TBX4: variants seen among roughly 807,000 people sequenced by gnomAD.
The protein encoded by TBX4 is T-box transcription factor TBX4.
Under a neutral mutation model 54.6 loss-of-function variants are expected in TBX4, and 13 were observed. That is an observed-to-expected ratio of 0.24 (90% CI 0.15 to 0.38). The LOEUF (loss-of-function observed/expected upper bound fraction) is 0.38. TBX4 is among the 10% of genes least tolerant of loss of function. TBX4 has a pLI of 1.00. For missense variants in TBX4, 631 were observed against 728.5 expected (o/e 0.87, Z 1.54); for synonymous variants, 314 against 306.7 (o/e 1.02, Z -0.25).
rs1342114162 is a variant in TBX4 at position 61,465,279 on chromosome 17, C to G, written c.282-540C>G. Among the ~76,000 whole-genome samples the G allele has an allele frequency of 6.6e-6, 1 of 152,192 alleles. No individual in the cohort carries two copies. Among genetic ancestry groups the G allele is most frequent in the Non-Finnish European group, 1.5e-5 (1 of 68,032 alleles). Reference sequence around the variant, plus strand: ...TTTTGGACAGCAGTCTCCTGTTTTCCTGCAAGCTGGTTTTAGGCCTAAGGA... The same window carrying G: ...TTTTGGACAGCAGTCTCCTGTTTTCGTGCAAGCTGGTTTTAGGCCTAAGGA... On this transcript the variant is annotated intron_variant, in intron 3 of 8. Coordinates refer to ENST00000644296, the MANE Select transcript of TBX4 (RefSeq NM_001321120.2). The surrounding 1 kb of genome is among the most constrained non-coding windows in gnomAD (Gnocchi z 4.9).
intron 5 of TBX4, among the ~76,000 whole-genome samples, chr17:61,471,909 T>TA (rs1569039999): frequency 2.0e-4 from 29 of 144,742 alleles, no homozygotes; most frequent in East Asian, 3.9e-4. Flanking sequence ...TTTTTTTTTT[T>TA]TTTTTTTTTT....
chr17:61,480,413 ACACACT>A lies in TBX4; in HGVS notation c.1021+97_1021+102del. ...TGCAGCGCCCCCCCCCCCAACACAC[ACACACT>A]CATCTCGTGCTTGTGTGGCCTGGGA... On this transcript the variant is annotated intron_variant, in intron 8 of 8. Coordinates refer to ENST00000644296, the MANE Select transcript of TBX4 (RefSeq NM_001321120.2). The surrounding 1 kb of genome is among the most constrained non-coding windows in gnomAD (Gnocchi z 6.2). 1.0e-6 allele frequency: 1 copy of A among 996,620 alleles called. No homozygotes were observed. Among genetic ancestry groups the A allele is most frequent in the Non-Finnish European group, 1.5e-6 (1 of 657,708 alleles). 61.7% of individuals were successfully genotyped at this position (996,620 alleles called of 1,614,324 possible).
At chr17:61,467,873 G>A (rs775520262) in intron 5 of TBX4, among the ~76,000 whole-genome samples, 2 of 152,194 alleles carry the variant, frequency 1.3e-5, no homozygotes, top group Non-Finnish European at 2.9e-5. Context: ...CTGGACAATC[G>A]TCTCAGCCTT....
At position 61,457,643 on chromosome 17, in the gene TBX4, G is replaced by A. The variant is rs1394968065; in HGVS notation, c.281+12G>A. The A allele has an allele frequency of 2.5e-6, 4 of 1,613,350 alleles. No homozygotes were observed. Among genetic ancestry groups the A allele is most frequent in the African/African-American group, 1.3e-5 (1 of 75,042 alleles). On this transcript the variant is annotated intron_variant, in intron 3 of 8. Transcript: ENST00000644296. This position sits in a 1 kb window ranked among gnomAD's most constrained non-coding sequence, Gnocchi z 8.2. ...ACTAAGGCTGGCAGGTCAGCGCTGG[G>A]AGATTTACTTCCGGGGATGGCGGTG...
intron 5 of TBX4, among the ~76,000 whole-genome samples, chr17:61,470,663 A>G (rs2060570500): frequency 1.3e-5 from 2 of 152,226 alleles, no homozygotes; most frequent in South Asian, 4.1e-4. Context: ...AGGTTGGGCC[A>G]GGCGGGAGCA....
chr17:61,470,023 C>G (rs938134251), intron 5 of TBX4, among the ~76,000 whole-genome samples: 8 of 152,184 alleles, frequency 5.3e-5, no homozygotes, highest in African/African-American at 1.9e-4. Flanking sequence ...TCACGGTATC[C>G]CAGGAGCTTG....
rs756535438 is a variant in TBX4, at chr17:61,480,304, T to A, written c.1006T>A (p.Cys336Ser). ...GAGGGACTCAAGCCTCTTCTATCAC[T>A]GCCTGAAAAGACGAGGTAGGGCTCT... is the stretch of plus-strand genomic sequence containing the variant. ...TQRDSSLFYH[C>S]LKRRADGTRH... The change falls in exon 8 of 9, where the codon TGC (cysteine) becomes AGC (serine). Residue 336 changes from cysteine (C) to serine (S), a missense_variant. Around this residue, in one of 3 missense-constraint regions of TBX4, gnomAD observed 354 missense variants for 368.9 expected, o/e 0.96. Transcript: ENST00000644296. This position sits in a 1 kb window ranked among gnomAD's most constrained non-coding sequence, Gnocchi z 6.2. The A allele has an allele frequency of 6.2e-7, 1 of 1,613,420 alleles. No individual in the cohort carries two copies. The highest frequency in any genetic ancestry group is 1.3e-5 in the African/African-American group (1 of 74,914).
In TBX4 at chr17:61,465,751, T is replaced by A; in HGVS notation, c.282-68T>A. The stretch of plus-strand genomic sequence containing the variant: ...ATCTGTTAGCGGCCTTCTGCCCCCT[T>A]GCTCACTCTGTTCCATCTCTCCTGG... On this transcript the variant is annotated intron_variant, in intron 3 of 8. Coordinates refer to ENST00000644296, the MANE Select transcript of TBX4 (RefSeq NM_001321120.2). This position sits in a 1 kb window ranked among gnomAD's most constrained non-coding sequence, Gnocchi z 4.9. 4 of 1,606,858 alleles carry A rather than the reference T, an allele frequency of 2.5e-6. No individual in the cohort carries two copies. The highest frequency in any genetic ancestry group is 3.4e-6 in the Non-Finnish European group (4 of 1,175,526).
In TBX4 at chr17:61,462,701, G is replaced by A. The variant is rs1260063622; in HGVS notation, c.282-3118G>A. On this transcript the variant is annotated intron_variant, in intron 3 of 8. Coordinates refer to ENST00000644296, the MANE Select transcript of TBX4 (RefSeq NM_001321120.2). The surrounding 1 kb of genome is among the most constrained non-coding windows in gnomAD (Gnocchi z 4.5). ...CGGCACACACAGTGTCTTCCTTCTTGGTCACCTCCCCCACCCCAACACACA... is the reference window on the plus strand; with the variant it reads ...CGGCACACACAGTGTCTTCCTTCTTAGTCACCTCCCCCACCCCAACACACA... 6.6e-6 allele frequency among the ~76,000 whole-genome samples: 1 copy of A among 152,172 alleles called. No individual in the cohort carries two copies. Among genetic ancestry groups the A allele is most frequent in the Non-Finnish European group, 1.5e-5 (1 of 68,026 alleles).
At position 61,459,151 on chromosome 17, in the gene TBX4, C is replaced by T. The variant is rs941442082; in HGVS notation, c.281+1520C>T. Among the ~76,000 whole-genome samples the T allele has an allele frequency of 2.6e-5, 4 of 152,224 alleles. No homozygotes were observed. The highest frequency in any genetic ancestry group is 7.2e-5 in the African/African-American group (3 of 41,456). ...CACATGAAGGGGCTGGCAGAGGGTG[C>T]GACATGGAGCAGGCATTGAGGACAG... On this transcript the variant is annotated intron_variant, in intron 3 of 8. Transcript: ENST00000644296. The surrounding 1 kb of genome is among the most constrained non-coding windows in gnomAD (Gnocchi z 4.8).
At chr17:61,455,277 G>A (rs1423834683) in intron 1 of TBX4, among the ~76,000 whole-genome samples, 1 of 152,248 alleles carries the variant, frequency 6.6e-6, no homozygotes, top group Non-Finnish European at 1.5e-5. Flanking sequence ...GCCTGAGCCC[G>A]GGGATGCTCC....
At chr17:61,470,191 C>G (rs773365394) in intron 5 of TBX4, among the ~76,000 whole-genome samples, 1 of 152,160 alleles carries the variant, frequency 6.6e-6, no homozygotes, top group Non-Finnish European at 1.5e-5. Context: ...CTGGAGATCC[C>G]TGGGCCCAAG....
intron 1 of TBX4, among the ~76,000 whole-genome samples, chr17:61,454,436 G>T (rs555141071): frequency 1.3e-5 from 2 of 152,264 alleles, no homozygotes; most frequent in East Asian, 1.9e-4. Flanking sequence ...ACCGCTATGC[G>T]GTGCTGAGTG....
At position 61,467,773 on chromosome 17, in the gene TBX4, G is replaced by A. The variant is rs188141438; in HGVS notation, c.549+116G>A. The stretch of plus-strand genomic sequence containing the variant: ...CCGGGATCCAGCTCCAGGCTTTGGC[G>A]CTCACTGACCAGTTTAGGGAAGGAG... On this transcript the variant is annotated intron_variant, in intron 5 of 8. Coordinates refer to ENST00000644296, the MANE Select transcript of TBX4 (RefSeq NM_001321120.2). 1,063 of 1,352,284 alleles carry A rather than the reference G, an allele frequency of 7.9e-4. 11 individuals carry two copies. In the East Asian group the frequency reaches 0.021, roughly 27 times the overall value. 83.8% of individuals were successfully genotyped at this position (1,352,284 alleles called of 1,614,324 possible).
rs576160362 is a variant in TBX4, at chr17:61,453,004, C to G, written c.-4+427C>G. On this transcript the variant is annotated intron_variant, in intron 1 of 8. Coordinates refer to ENST00000644296, the MANE Select transcript of TBX4 (RefSeq NM_001321120.2). The stretch of plus-strand genomic sequence containing the variant: ...TGTAGATATGTGAGTGATCAGAACA[C>G]TAGACTCAGAGCCTTTGATGCAATA... 83 of 984,856 alleles carry G rather than the reference C, an allele frequency of 8.4e-5. No individual in the cohort carries two copies. In the African/African-American group the frequency reaches 1.3e-3, roughly 16 times the overall value. 61.0% of individuals were successfully genotyped at this position (984,856 alleles called of 1,614,324 possible). A position where few individuals can be genotyped will look rare whatever the true frequency, so the allele number is the denominator to read the frequency against.
chr17:61,469,460 A>G (rs557354696), intron 5 of TBX4, among the ~76,000 whole-genome samples: 1 of 152,342 alleles, frequency 6.6e-6, no homozygotes, highest in African/African-American at 2.4e-5. Flanking sequence ...GATACTACCC[A>G]CAGGAACTCA....
chr17:61,456,213 C>T (rs528813350), intron 1 of TBX4, among the ~76,000 whole-genome samples: 5 of 152,302 alleles, frequency 3.3e-5, no homozygotes, highest in Admixed American at 3.3e-4. Flanking sequence ...GAGGGCGGTC[C>T]CTCCCCTAGA....
In TBX4 at chr17:61,476,885, G is replaced by A. The variant is rs1444555938; in HGVS notation, c.550-1742G>A. Among the ~76,000 whole-genome samples the A allele has an allele frequency of 6.6e-6, 1 of 152,262 alleles. No homozygotes were observed. The highest frequency in any genetic ancestry group is 6.5e-5 in the Admixed American group (1 of 15,290). On this transcript the variant is annotated intron_variant, in intron 5 of 8. Coordinates refer to ENST00000644296, the MANE Select transcript of TBX4 (RefSeq NM_001321120.2). This position sits in a 1 kb window ranked among gnomAD's most constrained non-coding sequence, Gnocchi z 6.5. ...CCTGGCCCACCCATTCCTCAGCTGA[G>A]CTGGCTCTCTAGGCTATCCCTGTGC...
chr17:61,483,124 A>G lies in TBX4; in HGVS notation c.1249A>G (p.Ser417Gly). 5 of 1,614,036 alleles carry G rather than the reference A, an allele frequency of 3.1e-6. No individual in the cohort carries two copies. Among genetic ancestry groups the G allele is most frequent in the Non-Finnish European group, 4.2e-6 (5 of 1,180,014 alleles). The part of the protein sequence containing the change: ...GVDDLPPPPL[S>G]CNMWTSVSPY... ...GGACGACCTGCCCCCACCTCCGCTG[A>G]GCTGTAACATGTGGACTTCAGTGTC... The change falls in exon 9 of 9, where the codon AGC becomes GGC. Residue 417 changes from serine (S) to glycine (G), a missense_variant. Transcript: ENST00000644296. The surrounding 1 kb of genome is among the most constrained non-coding windows in gnomAD (Gnocchi z 6.6).
Sources: allele counts gnomAD v4.1 joint callset (sites outside exome capture counted in the v4.1 genomes callset), GRCh38; gene constraint gnomAD v4.1.1; regional missense constraint gnomAD v4.1.1; non-coding constraint Gnocchi (gnomAD v3.1); transcripts MANE v1.5; gene names NCBI Gene and HGNC (gene_info 2026-07-23, HGNC 2026-07-21).